Variants in HSD11B1 observed in about 807,000 individuals in gnomAD.
HSD11B1 encodes the protein hydroxysteroid 11-beta dehydrogenase 1, also known as 11-beta-hydroxysteroid dehydrogenase 1.
Under a neutral mutation model 22.1 loss-of-function variants are expected in HSD11B1, and 15 were observed. The observed-to-expected ratio is 0.68, with a 90% CI of 0.45 to 1.04. The LOEUF (loss-of-function observed/expected upper bound fraction) is 1.04. Among genes scored for constraint, HSD11B1 ranks in the 50% least tolerant of loss-of-function variants. The pLI is 0.00. For missense variants in HSD11B1, 281 were observed against 357.6 expected, an observed-to-expected ratio of 0.79 and a Z score of 1.73; for synonymous variants, 122 against 125.2, an observed-to-expected ratio of 0.97 and a Z score of 0.17.
chr1:209,704,833 C>A (rs1004621257), upstream of HSD11B1: 2 of 810,536 alleles, frequency 2.5e-6, no homozygotes, highest in Non-Finnish European at 2.1e-6. Context: ...CAGCCTCCCC[C>A]GTCCCTGATG....
intron 1 of HSD11B1, among the ~76,000 whole-genome samples, chr1:209,693,557 G>T (rs2076773619): frequency 6.6e-6 from 1 of 152,206 alleles, no homozygotes; most frequent in African/African-American, 2.4e-5. Context: ...AAAAGAAGTG[G>T]TCTCCTTTTC....
At chr1:209,708,280 G>A (rs2076873359) in intron 4 of HSD11B1, among the ~76,000 whole-genome samples, 1 of 152,186 alleles carries the variant, frequency 6.6e-6, no homozygotes, top group Non-Finnish European at 1.5e-5. Context: ...CCATCTAAAT[G>A]TTGTTCCTGG....
At chr1:209,711,573 G>C (rs1209836299) in intron 4 of HSD11B1, among the ~76,000 whole-genome samples, 1 of 152,138 alleles carries the variant, frequency 6.6e-6, no homozygotes, top group Non-Finnish European at 1.5e-5. Context: ...GGCTGCACAG[G>C]GTTGAGCTGT....
chr1:209,729,738 A>T (rs2077024547), intron 4 of HSD11B1, among the ~76,000 whole-genome samples: 2 of 152,184 alleles, frequency 1.3e-5, no homozygotes, highest in South Asian at 4.1e-4. Flanking sequence ...TCAACAAAAT[A>T]CTAGCAAACA....
chr1:209,710,645 G>A (rs570708883), intron 4 of HSD11B1, among the ~76,000 whole-genome samples: 2 of 152,264 alleles, frequency 1.3e-5, no homozygotes, highest in East Asian at 1.9e-4. Flanking sequence ...GCAAGCATAC[G>A]TGTAGGGATA....
chr1:209,686,562 T>C (rs1319951749), intron 1 of HSD11B1, among the ~76,000 whole-genome samples: 1 of 152,238 alleles, frequency 6.6e-6, no homozygotes, highest in Non-Finnish European at 1.5e-5. Context: ...CTGATCATTG[T>C]GGGACAGAAA....
At chr1:209,715,700 G>T (rs192294852) in intron 4 of HSD11B1, among the ~76,000 whole-genome samples, 1 of 152,236 alleles carries the variant, frequency 6.6e-6, no homozygotes, top group Non-Finnish European at 1.5e-5. Context: ...ATAAATGCAT[G>T]AATAAATAAA....
chr1:209,734,660 A>G lies in HSD11B1; in HGVS notation c.*139A>G. ...TCATGGGTCACACCTGACAAATGGA[A>G]GGAGTTCCTCTAACATTTGCAAAAT... is the stretch of plus-strand genomic sequence containing the variant. On this transcript the variant is annotated 3_prime_UTR_variant, in exon 6 of 6. Coordinates refer to ENST00000367027, the MANE Select transcript of HSD11B1 (RefSeq NM_005525.4). 1.4e-6 allele frequency: 1 copy of G among 719,354 alleles called. No homozygotes were observed. The highest frequency in any genetic ancestry group is 2.5e-6 in the Non-Finnish European group (1 of 404,932). The allele number at this position is 719,354 out of a possible 1,614,324, so 44.6% of individuals were successfully genotyped here. A position where few individuals can be genotyped will look rare whatever the true frequency, so the allele number is the denominator to read the frequency against.
intron 5 of HSD11B1, among the ~76,000 whole-genome samples, chr1:209,733,993 A>T (rs1274702060): frequency 6.6e-6 from 1 of 152,152 alleles, no homozygotes; most frequent in African/African-American, 2.4e-5. Flanking sequence ...CTGCTCCCCC[A>T]TATTACTTCT....
intron 1 of HSD11B1, among the ~76,000 whole-genome samples, chr1:209,696,150 C>T (rs1455365502): frequency 6.6e-6 from 1 of 152,136 alleles, no homozygotes; most frequent in African/African-American, 2.4e-5. Context: ...CCAGGGCAGG[C>T]AAGTCTATAC....
chr1:209,699,647 T>C (rs2076815136), intron 1 of HSD11B1, among the ~76,000 whole-genome samples: 2 of 152,176 alleles, frequency 1.3e-5, no homozygotes, highest in African/African-American at 2.4e-5. Flanking sequence ...TCAAAACCAA[T>C]CATGCCTTCC....
At chr1:209,694,121 A>C (rs796693917) in intron 1 of HSD11B1, among the ~76,000 whole-genome samples, 1 of 151,552 alleles carries the variant, frequency 6.6e-6, no homozygotes, top group Non-Finnish European at 1.5e-5. Context: ...GGCTTCATCT[A>C]CTCCTATGGT....
intron 4 of HSD11B1, among the ~76,000 whole-genome samples, chr1:209,727,393 A>T (rs2077009775): frequency 6.6e-6 from 1 of 152,238 alleles, no homozygotes; most frequent in Non-Finnish European, 1.5e-5. Flanking sequence ...GCCCAGGGAA[A>T]TGAATACAAA....
Position 209,706,713 on chromosome 1 carries a change from T to A in HSD11B1, c.224T>A (p.Val75Glu), listed in dbSNP as rs147231644. ...ARSKETLQKVVSHCLELGAAS... is the reference protein window; with the variant it reads ...ARSKETLQKVESHCLELGAAS... Reference sequence around the variant, plus strand: ...ATTTCTGCTGTATCACTGCAGGTGGTATCCCACTGCCTGGAGCTTGGAGCA... The same window carrying A: ...ATTTCTGCTGTATCACTGCAGGTGGAATCCCACTGCCTGGAGCTTGGAGCA... Residue 75 changes from valine to glutamate, a missense_variant, in exon 3 of 6, where the codon GTA becomes GAA. By Grantham distance (121) the Val-to-Glu change is moderately radical. Transcript: ENST00000367027. This position sits in a 1 kb window ranked among gnomAD's most constrained non-coding sequence, Gnocchi z 4.0. 6.2e-6 allele frequency: 10 copies of A among 1,610,398 alleles called. No homozygotes were observed. Among genetic ancestry groups the A allele is most frequent in the Non-Finnish European group, 7.6e-6 (9 of 1,177,134 alleles).
At position 209,706,869 on chromosome 1, in the gene HSD11B1, A is replaced by G. The variant is rs576055469; in HGVS notation, c.331+49A>G. On this transcript the variant is annotated intron_variant, in intron 3 of 5. Transcript: ENST00000367027. This position sits in a 1 kb window ranked among gnomAD's most constrained non-coding sequence, Gnocchi z 4.0. ...TCCTCTGAACTTTGCCCTTGGGGTC[A>G]CCAAGAGCTTTTGGGAGGAGAATGG... is the stretch of plus-strand genomic sequence containing the variant. 2.5e-6 allele frequency: 4 copies of G among 1,577,676 alleles called. No homozygotes were observed. The African/African-American group carries it at 4.1e-5, about 16-fold the overall frequency.
chr1:209,734,265 C>T lies in HSD11B1; in HGVS notation c.662-39C>T, dbSNP rs373449726. 17 of 1,518,340 alleles carry T rather than the reference C, an allele frequency of 1.1e-5. 1 individual carries two copies. In the African/African-American group the frequency reaches 1.6e-4, roughly 15 times the overall value. 94.1% of individuals were successfully genotyped at this position (1,518,340 alleles called of 1,614,324 possible). A position where few individuals can be genotyped will look rare whatever the true frequency, so the allele number is the denominator to read the frequency against. ...CAGGCCTTCCATCATGTAGACTGTC[C>T]TAGTCAGATAACCCTACTCTTCCCT... On this transcript the variant is annotated intron_variant, in intron 5 of 5. Coordinates refer to ENST00000367027, the MANE Select transcript of HSD11B1 (RefSeq NM_005525.4).
upstream of HSD11B1, among the ~76,000 whole-genome samples, chr1:209,702,143 C>G (rs1416326859): frequency 1.3e-5 from 2 of 152,192 alleles, no homozygotes; most frequent in Admixed American, 6.5e-5. Flanking sequence ...CTAGCTGAAA[C>G]AGTTGTATTT....
chr1:209,715,950 G>A (rs1307097942), intron 4 of HSD11B1, among the ~76,000 whole-genome samples: 1 of 152,076 alleles, frequency 6.6e-6, no homozygotes, highest in Non-Finnish European at 1.5e-5. Flanking sequence ...ATGGGCAAAG[G>A]ATATATGACA....
At chr1:209,734,255 G>A (rs373419398) in intron 5 of HSD11B1, 49 bp from the exon 6 acceptor site, 1 of 1,469,038 alleles carries the variant, frequency 6.8e-7, no homozygotes. Context: ...CTTCCATCAT[G>A]TAGACTGTCC....
Sources: gnomAD v4.1 joint callset for allele counts (sites outside exome capture counted in the v4.1 genomes callset) on GRCh38, gnomAD v4.1.1 for gene constraint, Gnocchi (gnomAD v3.1) non-coding constraint, MANE v1.5 for transcripts, NCBI Gene and HGNC (gene_info 2026-07-23, HGNC 2026-07-21) for gene names.